Variants in MGAT4C observed in about 807,000 individuals in gnomAD.
MGAT4C encodes alpha-1,3-mannosyl-glycoprotein 4-beta-N-acetylglucosaminyltransferase C.
A neutral mutation model predicts 40.1 loss-of-function variants in MGAT4C; 19 were observed. The observed-to-expected ratio is 0.47, with a 90% CI of 0.33 to 0.70. MGAT4C has a LOEUF of 0.70. Among genes scored for constraint, MGAT4C ranks in the 30% least tolerant of loss-of-function variants. The probability of loss-of-function intolerance (pLI) is 0.02; values close to 1 mark genes in which losing one functional copy is unlikely to be tolerated. For missense variants in MGAT4C, 491 were observed against 563.2 expected, an observed-to-expected ratio of 0.87 and a Z score of 1.30; for synonymous variants, 181 against 187.1, an observed-to-expected ratio of 0.97 and a Z score of 0.27.
rs1958278050 is a variant in MGAT4C, at chr12:86,498,282, G to A, written c.-228-63017C>T. Among the ~76,000 whole-genome samples the A allele has an allele frequency of 2.0e-5, 3 of 151,258 alleles. No homozygotes were observed. In the Admixed American group the frequency reaches 2.0e-4, roughly 10 times the overall value. On this transcript the variant is annotated intron_variant, in intron 2 of 7. Transcript: ENST00000548651. Reference sequence around the variant, plus strand: ...AATCAGATATATACAGTTGACCCTTGAACAACAGAGGTTTGAACTATGTAG... The same window carrying A: ...AATCAGATATATACAGTTGACCCTTAAACAACAGAGGTTTGAACTATGTAG...
rs148977761 is a variant in MGAT4C, at chr12:86,584,249, C to T, written c.-229+142960G>A. 2.6e-3 allele frequency among the ~76,000 whole-genome samples: 391 copies of T among 150,514 alleles called. 1 individual carries two copies. The highest frequency in any genetic ancestry group is 9.3e-3 in the African/African-American group (383 of 41,276). The stretch of plus-strand genomic sequence containing the variant: ...AGAAAAATAGATTTTTAAAAGATAG[C>T]GCTACATTGATGAGTTCATAGAGAA... On this transcript the variant is annotated intron_variant, in intron 2 of 7. Transcript: ENST00000548651.
intron 1 of MGAT4C, among the ~76,000 whole-genome samples, chr12:86,114,465 T>C (rs1267928888): frequency 6.6e-6 from 1 of 151,934 alleles, no homozygotes; most frequent in Non-Finnish European, 1.5e-5. Context: ...AAAATTGTAG[T>C]TACAATGAAC....
chr12:86,452,064 T>G, intron 2 of MGAT4C, among the ~76,000 whole-genome samples: 1 of 152,096 alleles, frequency 6.6e-6, no homozygotes. Flanking sequence ...TACTGGCCAG[T>G]AGAAACTCGT....
intron 1 of MGAT4C, among the ~76,000 whole-genome samples, chr12:86,107,210 G>A (rs1281128129): frequency 1.3e-5 from 2 of 152,280 alleles, no homozygotes; most frequent in East Asian, 3.9e-4. Flanking sequence ...AGTTTTAATT[G>A]TATGAGCCTT....
intron 1 of MGAT4C, among the ~76,000 whole-genome samples, chr12:86,774,490 T>C (rs1322433511): frequency 6.6e-6 from 1 of 151,352 alleles, no homozygotes; most frequent in Non-Finnish European, 1.5e-5. Context: ...CATACGGGTA[T>C]ATTCGATATA....
intron 1 of MGAT4C, among the ~76,000 whole-genome samples, chr12:86,105,402 T>C (rs1431525854): frequency 6.6e-6 from 1 of 152,148 alleles, no homozygotes; most frequent in Non-Finnish European, 1.5e-5. Flanking sequence ...GAATTACATG[T>C]ATGATTTTCT....
rs74995697 is a variant in MGAT4C, at chr12:86,717,616, C to T, written c.-229+9593G>A. Among the ~76,000 whole-genome samples the T allele has an allele frequency of 9.4e-3, 1,429 of 152,110 alleles. 10 individuals are homozygous for T. Among genetic ancestry groups the T allele is most frequent in the Middle Eastern group, 0.045 (13 of 290 alleles). The stretch of plus-strand genomic sequence containing the variant: ...TTTCTGAGAGAAAATAAAAACTCAT[C>T]TCTTGGAAAGTCATTACTTTATAAA... On this transcript the variant is annotated intron_variant, in intron 2 of 7. Coordinates refer to the MGAT4C transcript ENST00000548651.
chr12:86,252,656 G>T (rs1952348714), intron 1 of MGAT4C, among the ~76,000 whole-genome samples: 1 of 151,762 alleles, frequency 6.6e-6, no homozygotes, highest in African/African-American at 2.4e-5. Flanking sequence ...TAGTTTGCTT[G>T]TTCAAACACA....
Position 86,404,224 on chromosome 12 carries a change from G to A in MGAT4C, c.-120+30933C>T, listed in dbSNP as rs145385926. Among the ~76,000 whole-genome samples the A allele has an allele frequency of 1.2e-3, 185 of 152,196 alleles. 2 individuals are homozygous for A. The East Asian group carries it at 0.033, about 27-fold the overall frequency. The stretch of plus-strand genomic sequence containing the variant: ...CATATTTAACGGACTTGGTGCAAGA[G>A]CATTTAATATTATGTCAAAATGACA... On this transcript the variant is annotated intron_variant, in intron 3 of 7. Transcript: ENST00000548651.
At chr12:86,378,152 G>A (rs1955865055) in intron 3 of MGAT4C, among the ~76,000 whole-genome samples, 1 of 152,060 alleles carries the variant, frequency 6.6e-6, no homozygotes, top group South Asian at 2.1e-4. Flanking sequence ...TGTGAATAAT[G>A]TTGCTATGAA....
intron 1 of MGAT4C, among the ~76,000 whole-genome samples, chr12:86,203,957 CAAA>C (rs779258682): frequency 1.5e-5 from 1 of 66,684 alleles, no homozygotes; most frequent in Non-Finnish European, 3.2e-5. Context: ...AACTTCGTCT[CAAA>C]AAAAAAAAAA....
intron 3 of MGAT4C, among the ~76,000 whole-genome samples, chr12:86,401,359 A>G (rs1171888209): frequency 6.6e-6 from 1 of 151,596 alleles, no homozygotes; most frequent in African/African-American, 2.4e-5. Flanking sequence ...AGCCCCTATT[A>G]AGTTAATGGC....
chr12:86,646,828 T>C (rs555824858), intron 2 of MGAT4C, among the ~76,000 whole-genome samples: 5 of 152,118 alleles, frequency 3.3e-5, no homozygotes, highest in Admixed American at 2.6e-4. Flanking sequence ...TTAACTGACA[T>C]ATAATAATTG....
At chr12:86,382,547 T>C (rs577061222) in intron 3 of MGAT4C, among the ~76,000 whole-genome samples, 1 of 152,116 alleles carries the variant, frequency 6.6e-6, no homozygotes, top group Non-Finnish European at 1.5e-5. Context: ...GTAACGAGGA[T>C]GTTAATCATA....
intron 4 of MGAT4C, among the ~76,000 whole-genome samples, chr12:86,279,197 C>G (rs1422207671): frequency 6.6e-6 from 1 of 152,012 alleles, no homozygotes; most frequent in East Asian, 1.9e-4. Flanking sequence ...GTATTCACTC[C>G]TTCTCTATTT....
chr12:86,254,884 A>G (rs1336492276), intron 1 of MGAT4C, among the ~76,000 whole-genome samples: 1 of 152,106 alleles, frequency 6.6e-6, no homozygotes, highest in Admixed American at 6.6e-5. Flanking sequence ...TGAATGGACT[A>G]AAGGAGACAA....
rs1463298786 is a variant in MGAT4C at position 85,964,166 on chromosome 12, TGATTA to T, written c.*15118_*15122del. On this transcript the variant is annotated 3_prime_UTR_variant, in exon 5 of 5. Transcript: ENST00000611864. ...ATTATGAAAGATTATAAAACACCAA[TGATTA>T]GATTATGTTATAAAGACACTATGAA... 2.6e-5 allele frequency: 4 copies of T among 152,192 alleles called. No individual in the cohort carries two copies. Among genetic ancestry groups the T allele is most frequent in the Non-Finnish European group, 4.4e-5 (3 of 67,936 alleles). The allele number at this position is 152,192 out of a possible 1,614,324, so 9.4% of individuals were successfully genotyped here.
chr12:86,065,479 T>C (rs1894449020), intron 1 of MGAT4C, among the ~76,000 whole-genome samples: 1 of 152,174 alleles, frequency 6.6e-6, no homozygotes, highest in African/African-American at 2.4e-5. Flanking sequence ...TCTCAATAGA[T>C]GCAGGAAAGG....
rs539653283 is a variant in MGAT4C at position 86,475,419 on chromosome 12, A to C, written c.-228-40154T>G. 4.5e-4 allele frequency among the ~76,000 whole-genome samples: 69 copies of C among 152,154 alleles called. No homozygotes were observed. The South Asian group carries it at 0.014, about 30-fold the overall frequency. On this transcript the variant is annotated intron_variant, in intron 2 of 7. Coordinates refer to the MGAT4C transcript ENST00000548651. ...GATTGAAGTTTACAATGCATGCAGA[A>C]AAATGCATAAAGTCATTATAAAATT...
Sources: allele counts gnomAD v4.1 joint callset (sites outside exome capture counted in the v4.1 genomes callset), GRCh38; gene constraint gnomAD v4.1.1; transcripts MANE v1.5; gene names NCBI Gene and HGNC (gene_info 2026-07-23, HGNC 2026-07-21).